FOXP2: variants seen among roughly 807,000 people sequenced by gnomAD.
FOXP2 encodes the protein forkhead box protein P2.
In FOXP2, 12 loss-of-function variants were observed where a neutral mutation model predicts 115.8. The ratio of observed to expected loss-of-function variants is 0.10; its 90% confidence interval spans 0.07 to 0.17. FOXP2 has a LOEUF of 0.17. Among genes scored for constraint, FOXP2 ranks in the 10% least tolerant of loss-of-function variants. FOXP2 has a pLI of 1.00. For synonymous variants in FOXP2, 328 were observed against 297.7 expected (o/e 1.10, Z -1.05); for missense variants, 629 against 843.5 (o/e 0.75, Z 3.15).
intron 9 of FOXP2, 26 bp downstream of exon 9, chr7:114,652,316 C>A (rs368202529): frequency 1.8e-5 from 29 of 1,600,480 alleles, no homozygotes; most frequent in Non-Finnish European, 2.3e-5. Flanking sequence ...ACTTAATGGA[C>A]TCTTCTTAGA....
chr7:114,313,219 A>C (rs543984654), intron 2 of FOXP2, among the ~76,000 whole-genome samples: 18 of 152,352 alleles, frequency 1.2e-4, no homozygotes, highest in African/African-American at 3.8e-4. Context: ...CACTATGAAC[A>C]TAAGTTTATA....
chr7:114,429,765 A>G (rs936707894), intron 2 of FOXP2, among the ~76,000 whole-genome samples: 32 of 151,580 alleles, frequency 2.1e-4, no homozygotes, highest in African/African-American at 7.5e-4. Context: ...TCTTACTGTC[A>G]GTTCATTTAT....
At chr7:114,373,163 TTTTGTTTG>T in intron 2 of FOXP2, among the ~76,000 whole-genome samples, 1 of 152,090 alleles carries the variant, frequency 6.6e-6, no homozygotes, top group South Asian at 2.1e-4. Flanking sequence ...AGGCTAATTT[TTTTGTTTG>T]TTTGTTTGTT....
intron 2 of FOXP2, among the ~76,000 whole-genome samples, chr7:114,340,080 A>G (rs1267963825): frequency 1.3e-5 from 2 of 151,358 alleles, no homozygotes; most frequent in Non-Finnish European, 3.0e-5. Context: ...ATTCAGTCAA[A>G]AAAAACCTCC....
chr7:114,682,096 G>A (rs567821200), intron 16 of FOXP2, among the ~76,000 whole-genome samples: 1 of 152,248 alleles, frequency 6.6e-6, no homozygotes, highest in African/African-American at 2.4e-5. Context: ...TATAACGAGT[G>A]TATAAGGTAG....
chr7:114,365,685 A>G (rs548803477), intron 2 of FOXP2, among the ~76,000 whole-genome samples: 31 of 152,236 alleles, frequency 2.0e-4, no homozygotes, highest in Admixed American at 1.4e-3. Flanking sequence ...AAGTTGTTTC[A>G]ATCTAATTTT....
intron 2 of FOXP2, among the ~76,000 whole-genome samples, chr7:114,513,310 G>C (rs1223387134): frequency 6.6e-6 from 1 of 152,100 alleles, no homozygotes; most frequent in Non-Finnish European, 1.5e-5. Flanking sequence ...TCCATGCTTT[G>C]TGTAATGCAT....
At chr7:114,109,854 A>C (rs559046763) in intron 1 of FOXP2, among the ~76,000 whole-genome samples, 1 of 152,234 alleles carries the variant, frequency 6.6e-6, no homozygotes, top group East Asian at 1.9e-4. Flanking sequence ...AGATTTCTTT[A>C]ATTTCCATGA....
intron 1 of FOXP2, among the ~76,000 whole-genome samples, chr7:114,246,665 G>T: frequency 6.6e-6 from 1 of 152,026 alleles, no homozygotes; most frequent in East Asian, 1.9e-4. Context: ...TTCTAATCAT[G>T]GTTCTAATCA....
At chr7:114,351,589 C>T (rs1318064333) in intron 2 of FOXP2, among the ~76,000 whole-genome samples, 1 of 151,858 alleles carries the variant, frequency 6.6e-6, no homozygotes, top group Non-Finnish European at 1.5e-5. Flanking sequence ...CTTCTCTGTC[C>T]TCATAAAAAG....
intron 2 of FOXP2, among the ~76,000 whole-genome samples, chr7:114,476,261 A>C (rs1421049517): frequency 6.6e-6 from 1 of 151,928 alleles, no homozygotes; most frequent in African/African-American, 2.4e-5. Context: ...CAGGTGTTAC[A>C]TTTAAATCTT....
At chr7:114,541,975 T>C (rs1021662781) in intron 3 of FOXP2, among the ~76,000 whole-genome samples, 2 of 151,968 alleles carry the variant, frequency 1.3e-5, no homozygotes, top group African/African-American at 4.8e-5. Flanking sequence ...CTAAATTGAA[T>C]GACAAAGTGA....
chr7:114,340,023 C>G (rs543643504), intron 2 of FOXP2, among the ~76,000 whole-genome samples: 4 of 151,204 alleles, frequency 2.6e-5, no homozygotes, highest in South Asian at 2.1e-4. Context: ...TTTCAGTTGG[C>G]CATTTGACTT....
chr7:114,610,161 T>C (rs954216224), intron 3 of FOXP2, among the ~76,000 whole-genome samples: 1 of 152,222 alleles, frequency 6.6e-6, no homozygotes, highest in Non-Finnish European at 1.5e-5. Context: ...TTATACTTTA[T>C]TCAATTATTC....
chr7:114,655,964 G>C (rs1584999781), intron 10 of FOXP2, among the ~76,000 whole-genome samples: 1 of 152,258 alleles, frequency 6.6e-6, no homozygotes, highest in African/African-American at 2.4e-5. Flanking sequence ...ATTCAGATGA[G>C]TCGAGGTGGC....
intron 1 of FOXP2, among the ~76,000 whole-genome samples, chr7:114,118,686 G>A (rs976594456): frequency 5.3e-5 from 8 of 152,026 alleles, no homozygotes; most frequent in Non-Finnish European, 8.8e-5. Flanking sequence ...CTGATTATGT[G>A]CCACGTAATT....
At chr7:114,327,604 C>T (rs1477383046) in intron 2 of FOXP2, among the ~76,000 whole-genome samples, 8 of 151,488 alleles carry the variant, frequency 5.3e-5, no homozygotes, top group African/African-American at 1.5e-4. Flanking sequence ...CAGGTTCAAG[C>T]GATTCTCCTG....
At chr7:114,337,939 G>A (rs1256249304) in intron 2 of FOXP2, among the ~76,000 whole-genome samples, 2 of 150,970 alleles carry the variant, frequency 1.3e-5, no homozygotes, top group Admixed American at 1.3e-4. Flanking sequence ...AGAAATGAAG[G>A]CATATCTGTG....
upstream of FOXP2, among the ~76,000 whole-genome samples, chr7:114,160,780 T>TTTTG (rs1213787790): frequency 1.5e-5 from 1 of 65,560 alleles, no homozygotes; most frequent in African/African-American, 5.0e-5. Flanking sequence ...AAAGTATATT[T>TTTTG]TCTGTGTGTG....
Sources: gnomAD v4.1 joint callset for allele counts (sites outside exome capture counted in the v4.1 genomes callset) on GRCh38, gnomAD v4.1.1 for gene constraint, MANE v1.5 for transcripts, NCBI Gene and HGNC (gene_info 2026-07-23, HGNC 2026-07-21) for gene names.